The following SHROOM4 variants were observed in gnomAD, a reference collection of about 807,000 sequenced individuals.
The protein encoded by SHROOM4 is shroom family member 4.
In SHROOM4, 17 loss-of-function variants were observed where a neutral mutation model predicts 80.3. That is an observed-to-expected ratio of 0.21 (90% CI 0.14 to 0.32). SHROOM4 has a LOEUF of 0.32. Among genes scored for constraint, SHROOM4 ranks in the 10% least tolerant of loss-of-function variants. SHROOM4 has a pLI of 1.00. For synonymous variants in SHROOM4, 400 were observed against 437.5 expected (o/e 0.91, Z 1.07); for missense variants, 993 against 1,140.3 (o/e 0.87, Z 1.86).
At position 50,688,796 on chromosome X, in the gene SHROOM4, GT is replaced by G. The variant is rs781978535; in HGVS notation, c.269+6989del. 2.4e-3 allele frequency among the ~76,000 whole-genome samples: 249 copies of G among 103,926 alleles called. 1 individual carries two copies. Among genetic ancestry groups the G allele is most frequent in the African/African-American group, 7.4e-3 (214 of 28,873 alleles). The allele number at this position is 103,926 out of a possible 115,157, so 90.2% of individuals were successfully genotyped here. A position where few individuals can be genotyped will look rare whatever the true frequency, so the allele number is the denominator to read the frequency against. ...TATGACACATAGGAAGGACTCAGGA[GT>G]TTTTTTTTTTACACATCCTCATGTA... is the stretch of plus-strand genomic sequence containing the variant. On this transcript the variant is annotated intron_variant, in intron 2 of 8. Transcript: ENST00000376020.
intron 2 of SHROOM4, among the ~76,000 whole-genome samples, chrX:50,651,785 A>C (rs1260336521): frequency 9.3e-5 from 9 of 96,700 alleles, no homozygotes; most frequent in Non-Finnish European, 1.8e-4. Flanking sequence ...CCCAGTGTCC[A>C]TGTGTTCTCA....
At chrX:50,582,337 G>A (rs190455360), downstream of SHROOM4, among the ~76,000 whole-genome samples, 1 of 111,667 alleles carries the variant, frequency 9.0e-6, no homozygotes, top group East Asian at 2.8e-4. Context: ...GTGCCTTGAC[G>A]TGAAAAACTA....
chrX:50,653,989 T>C (rs1363208221), intron 2 of SHROOM4, among the ~76,000 whole-genome samples: 3 of 111,910 alleles, frequency 2.7e-5, no homozygotes, highest in African/African-American at 9.8e-5. Context: ...GTAGCATACA[T>C]TTTAAAACAG....
chrX:50,715,668 A>G (rs1287663369), intron 1 of SHROOM4, among the ~76,000 whole-genome samples: 1 of 111,119 alleles, frequency 9.0e-6, no homozygotes, highest in African/African-American at 3.3e-5. Flanking sequence ...TAGGATGGCT[A>G]CTATCAAAAA....
chrX:50,578,319 T>C, the SHROOM4 span, among the ~76,000 whole-genome samples: 1 of 112,525 alleles, frequency 8.9e-6, no homozygotes, highest in Non-Finnish European at 1.9e-5. Flanking sequence ...TTTTTATAAA[T>C]TTTTTGAGAC....
chrX:50,761,535 A>G (rs1935154896), intron 1 of SHROOM4, among the ~76,000 whole-genome samples: 1 of 111,464 alleles, frequency 9.0e-6, no homozygotes, highest in African/African-American at 3.3e-5. Flanking sequence ...TGAGCTTTTC[A>G]TTCATCTGCT....
chrX:50,635,391 T>TAAA lies in SHROOM4; in HGVS notation c.681_682insTTT (p.Pro227_Ser228insPhe), dbSNP rs782762096. Reference sequence around the variant, plus strand: ...GTCTCAGCCACATTAGGCCGGCCACTGGGGGCCTTAGTTGGCCCTGGGCCT... The same window carrying TAAA: ...GTCTCAGCCACATTAGGCCGGCCACTAAAGGGGGCCTTAGTTGGCCCTGGGCCT... On this transcript the variant is annotated inframe_insertion, in exon 4 of 9. Coordinates refer to ENST00000376020, the MANE Select transcript of SHROOM4 (RefSeq NM_020717.5). 8.3e-7 allele frequency: 1 copy of TAAA among 1,206,156 alleles called. No homozygotes were observed. Among genetic ancestry groups the TAAA allele is most frequent in the South Asian group, 1.8e-5 (1 of 55,816 alleles).
At chrX:50,749,544 C>T (rs190779600) in intron 1 of SHROOM4, among the ~76,000 whole-genome samples, 28 of 111,232 alleles carry the variant, frequency 2.5e-4, no homozygotes, top group African/African-American at 8.8e-4. Flanking sequence ...GGCTGTAGAA[C>T]CACAGAAGTA....
intron 2 of SHROOM4, 133 bp from the exon 3 acceptor site, chrX:50,638,441 T>C (rs1931453650): frequency 1.2e-6 from 1 of 806,275 alleles, no homozygotes; most frequent in Non-Finnish European, 1.8e-6. Flanking sequence ...GTGGGAATCT[T>C]AGTGGCCCTC....
intron 1 of SHROOM4, among the ~76,000 whole-genome samples, chrX:50,729,873 C>T (rs1557266167): frequency 9.0e-6 from 1 of 110,753 alleles, no homozygotes; most frequent in Admixed American, 9.6e-5. Flanking sequence ...AATACATCAA[C>T]CAAGTATCAT....
chrX:50,652,455 T>G (rs1485999531), intron 2 of SHROOM4, among the ~76,000 whole-genome samples: 1 of 112,138 alleles, frequency 8.9e-6, no homozygotes. Context: ...AAGTTCCTTG[T>G]AGATTCTGGA....
intron 5 of SHROOM4, among the ~76,000 whole-genome samples, chrX:50,618,781 C>T (rs1557251434): frequency 8.9e-6 from 1 of 111,926 alleles, no homozygotes; most frequent in East Asian, 2.8e-4. Context: ...TGTCAGTTTG[C>T]AGATGAGACT....
Position 50,593,703 on chromosome X carries a change from C to T in SHROOM4, c.*2992G>A, listed in dbSNP as rs1378476327. The T allele has an allele frequency of 8.9e-6, 1 of 112,470 alleles. No individual in the cohort carries two copies. Among genetic ancestry groups the T allele is most frequent in the Non-Finnish European group, 1.9e-5 (1 of 53,308 alleles). 9.3% of individuals were successfully genotyped at this position (112,470 alleles called of 1,213,427 possible). On this transcript the variant is annotated 3_prime_UTR_variant, in exon 9 of 9. Coordinates refer to ENST00000376020, the MANE Select transcript of SHROOM4 (RefSeq NM_020717.5). ...GCAGAGCAGCACTGTCAGGGAGGGT[C>T]GGGTTCAGGATGTGGCTCTGGTGTG... is the stretch of plus-strand genomic sequence containing the variant.
intron 2 of SHROOM4, among the ~76,000 whole-genome samples, chrX:50,644,799 G>C (rs1393944862): frequency 1.8e-5 from 2 of 111,738 alleles, no homozygotes; most frequent in Non-Finnish European, 3.8e-5. Flanking sequence ...GAAAGTTTGG[G>C]AGCTTTGAGG....
At chrX:50,580,195 A>G in the SHROOM4 span, among the ~76,000 whole-genome samples, 4 of 111,853 alleles carry the variant, frequency 3.6e-5, no homozygotes, top group African/African-American at 1.3e-4. Flanking sequence ...AAAAATAACC[A>G]AGGGTCTTGG....
chrX:50,766,864 T>C (rs1407127818), intron 1 of SHROOM4, among the ~76,000 whole-genome samples: 1 of 111,390 alleles, frequency 9.0e-6, no homozygotes, highest in Non-Finnish European at 1.9e-5. Flanking sequence ...TGGATAAAAA[T>C]ATATAAGGTC....
chrX:50,615,071 CTGATG>C (rs1930171138), intron 5 of SHROOM4, among the ~76,000 whole-genome samples: 1 of 105,549 alleles, frequency 9.5e-6, no homozygotes, highest in Non-Finnish European at 1.9e-5. Flanking sequence ...AAGAGTTGTA[CTGATG>C]GTTTGGGGTG....
At position 50,714,885 on chromosome X, in the gene SHROOM4, C is replaced by A. The variant is rs17315255; in HGVS notation, c.118-18948G>T. On this transcript the variant is annotated intron_variant, in intron 1 of 8. Coordinates refer to ENST00000376020, the MANE Select transcript of SHROOM4 (RefSeq NM_020717.5). ...GAATACTGTTCTGCCAATGAAGGTC[C>A]ATGTTCAGAGACATTTTGAGACCCT... Among the ~76,000 whole-genome samples the A allele has an allele frequency of 7.8e-3, 873 of 111,524 alleles. 8 individuals are homozygous for A. The highest frequency in any genetic ancestry group is 0.012 in the Non-Finnish European group (631 of 53,089).
At chrX:50,604,352 C>A (rs182836452) in intron 6 of SHROOM4, among the ~76,000 whole-genome samples, 325 of 111,911 alleles carry the variant, frequency 2.9e-3, no homozygotes, top group Non-Finnish European at 4.5e-3. Flanking sequence ...ACATGAGGTA[C>A]AGTGACTTCC....
Sources: allele counts gnomAD v4.1 joint callset (sites outside exome capture counted in the v4.1 genomes callset), GRCh38; gene constraint gnomAD v4.1.1; transcripts MANE v1.5; gene names NCBI Gene and HGNC (gene_info 2026-07-23, HGNC 2026-07-21).